Variants in SCFD2 observed in about 807,000 individuals in gnomAD.
SCFD2 encodes sec1 family domain containing 2, also known as sec1 family domain-containing protein 2.
In SCFD2, 54 loss-of-function variants were observed where a neutral mutation model predicts 58.9. The ratio of observed to expected loss-of-function variants is 0.92; its 90% CI spans 0.74 to 1.15. The LOEUF (loss-of-function observed/expected upper bound fraction) is 1.15. SCFD2 is among the 50% of genes most tolerant of loss of function. The pLI is 0.00. For missense variants in SCFD2, 805 were observed against 836.6 expected, an observed-to-expected ratio of 0.96 and a Z score of 0.47; for synonymous variants, 321 against 335.9, an observed-to-expected ratio of 0.96 and a Z score of 0.49.
intron 1 of SCFD2, 144 bp downstream of exon 1, chr4:53,364,960 G>T: frequency 1.1e-6 from 1 of 949,500 alleles, no homozygotes; most frequent in Non-Finnish European, 1.5e-6. Context: ...TAAACTCTGT[G>T]AGATTAGAGA....
chr4:53,105,972 T>G (rs1473355683), intron 5 of SCFD2, among the ~76,000 whole-genome samples: 2 of 148,428 alleles, frequency 1.3e-5, no homozygotes, highest in Non-Finnish European at 1.5e-5. Flanking sequence ...TGGGTGCCCC[T>G]CTGGGACGAA....
chr4:53,362,155 G>A (rs1232684809), intron 1 of SCFD2, among the ~76,000 whole-genome samples: 3 of 152,060 alleles, frequency 2.0e-5, no homozygotes, highest in Non-Finnish European at 4.4e-5. Flanking sequence ...CACCCAGGAA[G>A]GCCTCTCTGA....
Position 52,873,791 on chromosome 4 carries a change from A to T in SCFD2, c.*178T>A. 2.3e-6 allele frequency: 1 copy of T among 431,534 alleles called. No individual in the cohort carries two copies. The highest frequency in any genetic ancestry group is 4.1e-6 in the Non-Finnish European group (1 of 243,316). 26.7% of individuals were successfully genotyped at this position (431,534 alleles called of 1,614,324 possible). A position where few individuals can be genotyped will look rare whatever the true frequency, so the allele number is the denominator to read the frequency against. ...AAAACTTTTTTTTTTTTTTTTTAAG[A>T]ATCACAGCAATCCAAGCAAAGTACC... On this transcript the variant is annotated 3_prime_UTR_variant, in exon 9 of 9. Transcript: ENST00000401642.
intron 4 of SCFD2, among the ~76,000 whole-genome samples, chr4:53,227,917 T>A (rs1027750266): frequency 6.6e-6 from 1 of 152,192 alleles, no homozygotes; most frequent in African/African-American, 2.4e-5. Flanking sequence ...TTACATTTTT[T>A]AATTTATATT....
rs139557659 is a variant in SCFD2, at chr4:53,070,932, C to G, written c.1561+74401G>C. Among the ~76,000 whole-genome samples the G allele has an allele frequency of 5.9e-5, 9 of 152,180 alleles. No homozygotes were observed. In the East Asian group the frequency reaches 1.7e-3, roughly 29 times the overall value. On this transcript the variant is annotated intron_variant, in intron 5 of 8. Transcript: ENST00000401642. Reference sequence around the variant, plus strand: ...TTCTTTCTTGCTTACTAATGAAACTCTGAGAATAAAGACTATGTTTCCTAG... The same window carrying G: ...TTCTTTCTTGCTTACTAATGAAACTGTGAGAATAAAGACTATGTTTCCTAG...
intron 5 of SCFD2, among the ~76,000 whole-genome samples, chr4:52,986,548 G>C (rs937122755): frequency 2.1e-5 from 3 of 142,622 alleles, no homozygotes; most frequent in African/African-American, 5.3e-5. Context: ...ACCCAGGCTG[G>C]AGTGCAGTGG....
At chr4:53,032,770 C>T (rs1237632664) in intron 5 of SCFD2, among the ~76,000 whole-genome samples, 2 of 152,148 alleles carry the variant, frequency 1.3e-5, no homozygotes, top group African/African-American at 4.8e-5. Context: ...GAAGAGTGAA[C>T]TATCCTTAAT....
Position 53,313,680 on chromosome 4 carries a change from A to T in SCFD2, c.1091T>A (p.Val364Glu). Reference sequence around the variant, plus strand: ...CAGGTTTTCTCTGCTTGCCGCTTCCACTAGATGTCTCCGAACTTCCATCAC... The same window carrying T: ...CAGGTTTTCTCTGCTTGCCGCTTCCTCTAGATGTCTCCGAACTTCCATCAC... ...EAVMEVRRHL[V>E]EAASRENLPI... Residue 364 changes from valine to glutamate, a missense_variant, in exon 3 of 9, where the codon GTG becomes GAG. Physicochemically the swap from Val to Glu is moderately radical, Grantham distance 121. Around this residue, in one of 3 missense-constraint regions of SCFD2, gnomAD observed 633 missense variants for 646.8 expected, o/e 0.98. Coordinates refer to ENST00000401642, the MANE Select transcript of SCFD2 (RefSeq NM_152540.4). The T allele has an allele frequency of 6.2e-7, 1 of 1,614,038 alleles. No homozygotes were observed. Among genetic ancestry groups the T allele is most frequent in the Non-Finnish European group, 8.5e-7 (1 of 1,179,964 alleles).
chr4:53,300,061 T>C (rs1048007778), intron 3 of SCFD2, among the ~76,000 whole-genome samples: 36 of 152,128 alleles, frequency 2.4e-4, no homozygotes, highest in African/African-American at 8.0e-4. Flanking sequence ...AAAAACTAGC[T>C]AACATCATAA....
At chr4:53,316,880 C>G (rs574581495) in intron 2 of SCFD2, among the ~76,000 whole-genome samples, 194 of 152,178 alleles carry the variant, frequency 1.3e-3, no homozygotes, top group Non-Finnish European at 2.1e-3. Flanking sequence ...GAGGCCAAGG[C>G]AGGCAGATCA....
At chr4:53,106,709 G>T (rs557232431) in intron 5 of SCFD2, among the ~76,000 whole-genome samples, 2 of 152,202 alleles carry the variant, frequency 1.3e-5, no homozygotes, top group South Asian at 4.1e-4. Context: ...AAGGAATAGG[G>T]GACTATGTGA....
intron 4 of SCFD2, among the ~76,000 whole-genome samples, chr4:53,169,467 G>A (rs1248574373): frequency 6.6e-6 from 1 of 152,190 alleles, no homozygotes; most frequent in Non-Finnish European, 1.5e-5. Context: ...CATGCAGGCT[G>A]ATTCCATAAC....
At chr4:53,066,124 C>A (rs1394184683) in intron 5 of SCFD2, among the ~76,000 whole-genome samples, 2 of 152,010 alleles carry the variant, frequency 1.3e-5, no homozygotes, top group African/African-American at 4.8e-5. Flanking sequence ...AATGTTCTGA[C>A]CAGGACTAAT....
At chr4:53,101,608 G>T (rs1724834294) in intron 5 of SCFD2, among the ~76,000 whole-genome samples, 1 of 152,106 alleles carries the variant, frequency 6.6e-6, no homozygotes, top group Non-Finnish European at 1.5e-5. Flanking sequence ...TGACTTAAAA[G>T]ATATAATGGT....
At chr4:53,133,612 A>G (rs973748178) in intron 5 of SCFD2, among the ~76,000 whole-genome samples, 3 of 152,200 alleles carry the variant, frequency 2.0e-5, no homozygotes, top group Non-Finnish European at 2.9e-5. Context: ...TAAACAAATC[A>G]TTGCAAATAG....
chr4:53,164,799 A>AG (rs1258957501), intron 4 of SCFD2, among the ~76,000 whole-genome samples: 1 of 150,670 alleles, frequency 6.6e-6, no homozygotes, highest in Non-Finnish European at 1.5e-5. Flanking sequence ...AAAAAAAAAA[A>AG]AAAAAAAGAA....
At chr4:53,043,489 G>A (rs1191587612) in intron 5 of SCFD2, among the ~76,000 whole-genome samples, 3 of 152,122 alleles carry the variant, frequency 2.0e-5, no homozygotes, top group African/African-American at 7.2e-5. Context: ...TGTCAACAAA[G>A]ATTAGTTAAA....
chr4:53,254,668 C>T (rs1277211212), intron 4 of SCFD2, among the ~76,000 whole-genome samples: 1 of 151,342 alleles, frequency 6.6e-6, no homozygotes, highest in Non-Finnish European at 1.5e-5. Context: ...CAGTGCTGAC[C>T]ATTTCTCTTA....
chr4:53,357,248 C>G (rs1312647196), intron 1 of SCFD2, among the ~76,000 whole-genome samples: 2 of 151,680 alleles, frequency 1.3e-5, no homozygotes, highest in African/African-American at 4.8e-5. Context: ...ATGGTAAAGC[C>G]CCATCTCTAC....
Sources: gnomAD v4.1 joint callset for allele counts (sites outside exome capture counted in the v4.1 genomes callset) on GRCh38, gnomAD v4.1.1 for gene constraint, gnomAD v4.1.1 regional missense constraint, MANE v1.5 for transcripts, NCBI Gene and HGNC (gene_info 2026-07-23, HGNC 2026-07-21) for gene names.